The following GLDC variants were observed in gnomAD, a reference collection of about 807,000 sequenced individuals.
The protein encoded by GLDC is glycine dehydrogenase (decarboxylating), mitochondrial.
In GLDC, 104 loss-of-function variants were observed where a neutral mutation model predicts 121.3. The observed-to-expected ratio is 0.86, with a 90% confidence interval of 0.73 to 1.01. GLDC has a LOEUF of 1.01. GLDC is among the 50% of genes least tolerant of loss of function. GLDC has a pLI of 0.00. For synonymous variants in GLDC, 546 were observed against 480.6 expected (o/e 1.14, Z -1.78); for missense variants, 1,429 against 1,306.6 (o/e 1.09, Z -1.44).
chr9:6,548,678 G>A (rs993945642), intron 21 of GLDC, among the ~76,000 whole-genome samples: 1 of 152,146 alleles, frequency 6.6e-6, no homozygotes, highest in African/African-American at 2.4e-5. Flanking sequence ...TTGCCCAGGT[G>A]CAGGCGGGTG....
At chr9:6,642,235 T>C (rs1819644191) in intron 2 of GLDC, among the ~76,000 whole-genome samples, 1 of 152,138 alleles carries the variant, frequency 6.6e-6, no homozygotes, top group Non-Finnish European at 1.5e-5. Flanking sequence ...CTGCTAGGTT[T>C]AAAATTTATA....
intron 2 of GLDC, chr9:6,639,177 C>G (rs1218843589): frequency 1.2e-6 from 1 of 803,220 alleles, no homozygotes; most frequent in African/African-American, 1.7e-5. Flanking sequence ...TCCTGCCCCT[C>G]CTAAAGCCGA....
chr9:6,537,647 G>T (rs140321195), intron 22 of GLDC, among the ~76,000 whole-genome samples: 1 of 152,130 alleles, frequency 6.6e-6, no homozygotes, highest in African/African-American at 2.4e-5. Context: ...TGGGTGTGGT[G>T]GTATGTGCCT....
intron 2 of GLDC, among the ~76,000 whole-genome samples, chr9:6,626,358 A>T (rs1819237714): frequency 1.3e-5 from 2 of 152,208 alleles, no homozygotes; most frequent in Admixed American, 6.5e-5. Flanking sequence ...AGCGCAATTG[A>T]CTACAGAAGG....
At chr9:6,581,538 T>C (rs1818170956) in intron 15 of GLDC, among the ~76,000 whole-genome samples, 1 of 152,226 alleles carries the variant, frequency 6.6e-6, no homozygotes, top group Admixed American at 6.5e-5. Flanking sequence ...CAGGGCCAAC[T>C]GGTATCTGGG....
chr9:6,598,804 C>T (rs1330938466), intron 8 of GLDC, among the ~76,000 whole-genome samples: 5 of 152,184 alleles, frequency 3.3e-5, no homozygotes, highest in Admixed American at 1.3e-4. Context: ...AACATTTTAA[C>T]AATTGCTGGA....
chr9:6,604,283 G>A (rs928688179), intron 7 of GLDC, among the ~76,000 whole-genome samples: 1 of 152,088 alleles, frequency 6.6e-6, no homozygotes, highest in African/African-American at 2.4e-5. Context: ...GAAAACTGTC[G>A]AGACACAAAA....
At chr9:6,551,060 C>T (rs1274874444) in intron 20 of GLDC, 146 bp from the exon 21 acceptor site, 1 of 736,794 alleles carries the variant, frequency 1.4e-6, no homozygotes, top group East Asian at 2.5e-5. Flanking sequence ...GTGGAAAATT[C>T]CAACAAGGAT....
intron 2 of GLDC, among the ~76,000 whole-genome samples, chr9:6,627,441 AC>A (rs925472398): frequency 2.6e-5 from 4 of 152,134 alleles, no homozygotes; most frequent in Non-Finnish European, 5.9e-5. Flanking sequence ...CTATAGGACC[AC>A]CCAAACTTCT....
chr9:6,634,015 A>G (rs968800729), intron 2 of GLDC, among the ~76,000 whole-genome samples: 2 of 151,442 alleles, frequency 1.3e-5, no homozygotes, highest in South Asian at 4.2e-4. Context: ...TATTTTTAGT[A>G]GAGACGGGGT....
At chr9:6,547,407 G>A (rs76168010) in intron 21 of GLDC, among the ~76,000 whole-genome samples, 3 of 152,208 alleles carry the variant, frequency 2.0e-5, no homozygotes, top group Non-Finnish European at 4.4e-5. Flanking sequence ...AAAACAATAA[G>A]GTCATTTTCA....
intron 3 of GLDC, 33 bp downstream of exon 3, chr9:6,620,151 G>A (rs773837714): frequency 1.9e-6 from 3 of 1,605,166 alleles, no homozygotes; most frequent in Non-Finnish European, 2.6e-6. Flanking sequence ...GCAAATCACA[G>A]TCATCCTGTT....
At chr9:6,537,532 G>C (rs1817156249) in intron 22 of GLDC, among the ~76,000 whole-genome samples, 1 of 152,194 alleles carries the variant, frequency 6.6e-6, no homozygotes, top group Admixed American at 6.5e-5. Flanking sequence ...TATAATCCCA[G>C]CACTTTGGGA....
At chr9:6,565,588 A>G (rs1817840234) in intron 15 of GLDC, 159 bp from the exon 16 acceptor site, 2 of 708,956 alleles carry the variant, frequency 2.8e-6, no homozygotes, top group Admixed American at 4.0e-5. Flanking sequence ...GCTGGAGTCA[A>G]AAGGTCTTGA....
intron 2 of GLDC, among the ~76,000 whole-genome samples, chr9:6,627,916 T>C (rs549124205): frequency 6.6e-6 from 1 of 152,298 alleles, no homozygotes; most frequent in South Asian, 2.1e-4. Context: ...TTTGGCCAGA[T>C]CTGCAGGAGA....
Position 6,595,116 on chromosome 9 carries a change from G to C in GLDC, c.1159C>G (p.Leu387Val), listed in dbSNP as rs746083772. 7 of 1,600,014 alleles carry C rather than the reference G, an allele frequency of 4.4e-6. No individual in the cohort carries two copies. The highest frequency in any genetic ancestry group is 6.0e-6 in the Non-Finnish European group (7 of 1,167,210). Residue 387 changes from leucine (L) to valine (V), a missense_variant, in exon 9 of 25, where the codon CTC (leucine) becomes GTC (valine). Physicochemically the swap from Leu to Val is conservative, Grantham distance 32. Transcript: ENST00000321612. ...ATSNICTAQA[L>V]LANMAAMFAI... ...AACATGGCAGCCATATTCGCCAAGA[G>C]GGCCTAAAAGATAAGAACATTTAAA...
chr9:6,553,951 A>T (rs1817565862), intron 19 of GLDC, among the ~76,000 whole-genome samples: 1 of 152,150 alleles, frequency 6.6e-6, no homozygotes, highest in Non-Finnish European at 1.5e-5. Context: ...ACTAGAAATA[A>T]TCATCATCAA....
chr9:6,597,256 A>G (rs1818509268), intron 8 of GLDC, among the ~76,000 whole-genome samples: 1 of 152,198 alleles, frequency 6.6e-6, no homozygotes, highest in African/African-American at 2.4e-5. Flanking sequence ...TAGGAATAGA[A>G]TTTCTTTTTG....
chr9:6,540,240 CT>C, intron 21 of GLDC, 94 bp from the exon 22 acceptor site: 1 of 845,164 alleles, frequency 1.2e-6, no homozygotes, highest in Non-Finnish European at 2.0e-6. Flanking sequence ...AGTGCATCAG[CT>C]TTTTATGTGT....
Sources: allele counts gnomAD v4.1 joint callset (sites outside exome capture counted in the v4.1 genomes callset), GRCh38; gene constraint gnomAD v4.1.1; transcripts MANE v1.5; gene names NCBI Gene and HGNC (gene_info 2026-07-23, HGNC 2026-07-21).